The following LNX2 variants were observed in gnomAD, a reference collection of about 807,000 sequenced individuals.
LNX2 encodes the protein ligand of Numb protein X 2.
LNX2 carries 35 observed loss-of-function variants against 66.2 expected under a neutral mutation model. The observed-to-expected ratio is 0.53, with a 90% CI of 0.40 to 0.70. The LOEUF (loss-of-function observed/expected upper bound fraction) is 0.70. LNX2 is among the 30% of genes least tolerant of loss of function. The pLI, the probability that LNX2 is intolerant of heterozygous loss-of-function variation, is 0.00. For synonymous variants in LNX2, 337 were observed against 315.6 expected (o/e 1.07, Z -0.72); for missense variants, 791 against 850.8 (o/e 0.93, Z 0.87).
At chr13:27,580,965 T>C (rs1191872613) in intron 2 of LNX2, among the ~76,000 whole-genome samples, 1 of 152,242 alleles carries the variant, frequency 6.6e-6, no homozygotes, top group South Asian at 2.1e-4. Context: ...TACATTCATA[T>C]AGTTTTTAAA....
intron 1 of LNX2, among the ~76,000 whole-genome samples, chr13:27,589,287 T>C (rs1442804960): frequency 1.3e-5 from 2 of 152,244 alleles, no homozygotes; most frequent in Non-Finnish European, 2.9e-5. Flanking sequence ...CCGTATCATA[T>C]GGGAGCTTCA....
chr13:27,555,768 G>A (rs767383479), intron 7 of LNX2, among the ~76,000 whole-genome samples: 2 of 152,170 alleles, frequency 1.3e-5, no homozygotes, highest in Non-Finnish European at 2.9e-5. Flanking sequence ...CATGGCAATA[G>A]TGGCTAGCTG....
Position 27,569,029 on chromosome 13 carries a change from T to C in LNX2, c.655A>G (p.Thr219Ala). The C allele has an allele frequency of 6.2e-7, 1 of 1,612,062 alleles. No homozygotes were observed. The highest frequency in any genetic ancestry group is 8.5e-7 in the Non-Finnish European group (1 of 1,179,222). Reference sequence around the variant, plus strand: ...ACACAAGGAGTTGCACCACACATACTGTCAGCTCCAGCGCTCTCCTCAAAG... The same window carrying C: ...ACACAAGGAGTTGCACCACACATACCGTCAGCTCCAGCGCTCTCCTCAAAG... ...PAFEESAGAD[T>A]TQQPLSLPEG... Residue 219 changes from threonine (T) to alanine (A), a missense_variant and splice_region_variant, in exon 3 of 10, where the codon ACC (threonine) becomes GCC (alanine). Transcript: ENST00000316334.
intron 1 of LNX2, among the ~76,000 whole-genome samples, chr13:27,619,012 C>A (rs1955858718): frequency 6.6e-6 from 1 of 152,184 alleles, no homozygotes; most frequent in African/African-American, 2.4e-5. Flanking sequence ...AGAAGCAACC[C>A]CCGCCATCAA....
In LNX2 at chr13:27,569,193, C is replaced by T. The variant is rs764852208; in HGVS notation, c.491G>A (p.Gly164Glu). ...RTQAEIENEN[G>E]PTLLDPAGTL... ...ACCTGCAGGATCTAGTAGAGTGGGCCCATTTTCATTCTCAATCTCTGCTTG... is the reference window on the plus strand; with the variant it reads ...ACCTGCAGGATCTAGTAGAGTGGGCTCATTTTCATTCTCAATCTCTGCTTG... Residue 164 changes from glycine (G) to glutamate (E), a missense_variant, in exon 3 of 10, where the codon GGG becomes GAG. By Grantham distance (98) the Gly-to-Glu change is moderately conservative. Coordinates refer to ENST00000316334, the MANE Select transcript of LNX2 (RefSeq NM_153371.4). 1 of 1,612,566 alleles carries T rather than the reference C, an allele frequency of 6.2e-7. No individual in the cohort carries two copies. The highest frequency in any genetic ancestry group is 1.7e-5 in the Admixed American group (1 of 59,808).
rs1955225034 is a variant in LNX2, at chr13:27,567,799, G to C, written c.696C>G (p.Thr232=). The C allele has an allele frequency of 6.2e-7, 1 of 1,613,958 alleles. No homozygotes were observed. The highest frequency in any genetic ancestry group is 1.3e-5 in the African/African-American group (1 of 74,976). ...GATTGGACCGATGAATTTCAATCGT[G>C]GTGATTTCTCCTTCTGGTAAACTAA... ...QPLSLPEGEI[T]TIEIHRSNPY... The change falls in exon 4 of 10, where the codon ACC becomes ACG. Residue 232 remains threonine (T), a synonymous_variant. Transcript: ENST00000316334.
intron 7 of LNX2, among the ~76,000 whole-genome samples, chr13:27,554,809 G>A (rs544634428): frequency 1.1e-4 from 17 of 152,290 alleles, no homozygotes; most frequent in African/African-American, 4.1e-4. Context: ...CTACCAAACC[G>A]TTTTCCAAAA....
intron 4 of LNX2, among the ~76,000 whole-genome samples, 188 bp downstream of exon 4, chr13:27,567,452 G>A (rs1048929799): frequency 1.3e-5 from 2 of 151,872 alleles, no homozygotes; most frequent in Non-Finnish European, 2.9e-5. Flanking sequence ...ATTAAGATAG[G>A]AAGAAAAAAT....
intron 1 of LNX2, among the ~76,000 whole-genome samples, chr13:27,599,800 T>C (rs1276532274): frequency 2.0e-5 from 3 of 152,266 alleles, no homozygotes; most frequent in African/African-American, 7.2e-5. Flanking sequence ...ATCAAACTTT[T>C]ACACTTTGGA....
chr13:27,581,862 A>G lies in LNX2; in HGVS notation c.-100-59T>C, dbSNP rs1207919530. 5 of 496,034 alleles carry G rather than the reference A, an allele frequency of 1.0e-5. No individual in the cohort carries two copies. In the South Asian group the frequency reaches 1.5e-4, roughly 15 times the overall value. The allele number at this position is 496,034 out of a possible 1,614,324, so 30.7% of individuals were successfully genotyped here. ...AATTAATATCAATCAAGATAGGTTA[A>G]AAGTATCAATGTAATATTACTGGTT... On this transcript the variant is annotated intron_variant, in intron 1 of 9. Transcript: ENST00000316334.
rs1168723724 is a variant in LNX2, at chr13:27,581,292, C to G, written c.407+5G>C. 6.8e-7 allele frequency: 1 copy of G among 1,460,986 alleles called. No individual in the cohort carries two copies. Among genetic ancestry groups the G allele is most frequent in the Non-Finnish European group, 9.1e-7 (1 of 1,102,946 alleles). 90.5% of individuals were successfully genotyped at this position (1,460,986 alleles called of 1,614,324 possible). A position where few individuals can be genotyped will look rare whatever the true frequency, so the allele number is the denominator to read the frequency against. On this transcript the variant is annotated splice_donor_5th_base_variant and intron_variant, in intron 2 of 9. Coordinates refer to ENST00000316334, the MANE Select transcript of LNX2 (RefSeq NM_153371.4). The stretch of plus-strand genomic sequence containing the variant: ...GGAGTTACTTCTTTTATATTTTTTG[C>G]TTACCTGTTTTTGAGATGTGCCTCC...
chr13:27,566,168 A>G (rs1955203253), intron 4 of LNX2, among the ~76,000 whole-genome samples: 2 of 152,074 alleles, frequency 1.3e-5, no homozygotes, highest in Non-Finnish European at 2.9e-5. Context: ...TGATGAAGAG[A>G]AAAGTGATGA....
At chr13:27,579,544 T>C (rs145758702) in intron 2 of LNX2, among the ~76,000 whole-genome samples, 106 of 152,342 alleles carry the variant, frequency 7.0e-4, no homozygotes, top group African/African-American at 2.4e-3. Context: ...TACCAAGGTT[T>C]TTTACATTCT....
At chr13:27,579,748 T>C (rs1009133126) in intron 2 of LNX2, among the ~76,000 whole-genome samples, 9 of 152,182 alleles carry the variant, frequency 5.9e-5, no homozygotes, top group Non-Finnish European at 1.5e-5. Context: ...AAGAAGCCTA[T>C]ACACTGAAAA....
chr13:27,551,368 G>T (rs1394845206), intron 8 of LNX2, among the ~76,000 whole-genome samples: 2 of 151,836 alleles, frequency 1.3e-5, no homozygotes, highest in Non-Finnish European at 2.9e-5. Flanking sequence ...GAATGCTACT[G>T]CCAGATTGCA....
At chr13:27,593,915 ATTCTTG>A (rs1002402369) in intron 1 of LNX2, among the ~76,000 whole-genome samples, 1 of 151,516 alleles carries the variant, frequency 6.6e-6, no homozygotes, top group African/African-American at 2.4e-5. Context: ...AAATTATACC[ATTCTTG>A]TTCTTGTTCT....
intron 8 of LNX2, among the ~76,000 whole-genome samples, chr13:27,552,937 T>C (rs1955021894): frequency 6.6e-6 from 1 of 152,182 alleles, no homozygotes; most frequent in Non-Finnish European, 1.5e-5. Context: ...CGACAACTTT[T>C]CTAAGCAAGA....
At chr13:27,556,201 A>T (rs763362526) in intron 7 of LNX2, 35 bp downstream of exon 7, 3 of 1,587,136 alleles carry the variant, frequency 1.9e-6, no homozygotes, top group South Asian at 2.2e-5. Flanking sequence ...ATTCAGAAAT[A>T]AGATGTGGTA....
At position 27,553,333 on chromosome 13, in the gene LNX2, T is replaced by C; in HGVS notation, c.1653A>G (p.Lys551=). The part of the protein sequence containing the change: ...ASAASPAVAL[K]ALEVQIVEEA... ...CCTCAACAATCTGGACCTCAAGTGC[T>C]TTAAGGGCAACAGCAGGGGACGCGG... is the stretch of plus-strand genomic sequence containing the variant. The change falls in exon 8 of 10, where the codon AAA becomes AAG. Residue 551 remains lysine (K), a synonymous_variant. Coordinates refer to ENST00000316334, the MANE Select transcript of LNX2 (RefSeq NM_153371.4). 6.2e-7 allele frequency: 1 copy of C among 1,614,160 alleles called. No homozygotes were observed. Among genetic ancestry groups the C allele is most frequent in the Non-Finnish European group, 8.5e-7 (1 of 1,180,028 alleles).
Sources: allele counts gnomAD v4.1 joint callset (sites outside exome capture counted in the v4.1 genomes callset), GRCh38; gene constraint gnomAD v4.1.1; transcripts MANE v1.5; gene names NCBI Gene and HGNC (gene_info 2026-07-23, HGNC 2026-07-21).